Variants in SEL1L3 observed in about 807,000 individuals in gnomAD.
SEL1L3 encodes the protein protein sel-1 homolog 3.
In SEL1L3, 76 loss-of-function variants were observed where a neutral mutation model predicts 142.8. The observed-to-expected ratio is 0.53, with a 90% CI of 0.44 to 0.64. SEL1L3 has a LOEUF of 0.64. Ranked by LOEUF, SEL1L3 falls within the 30% of genes least tolerant of loss-of-function variation. The probability of loss-of-function intolerance (pLI) is 0.00; values close to 1 mark genes in which losing one functional copy is unlikely to be tolerated. For synonymous variants in SEL1L3, 504 were observed against 519.6 expected (o/e 0.97, Z 0.41); for missense variants, 1,262 against 1,381.7 (o/e 0.91, Z 1.37).
chr4:25,789,657 C>A (rs775573468), intron 12 of SEL1L3, among the ~76,000 whole-genome samples: 2 of 150,956 alleles, frequency 1.3e-5, no homozygotes, highest in Non-Finnish European at 2.9e-5. Context: ...TTTTTTCTTT[C>A]CCTTTCCCAT....
intron 6 of SEL1L3, 104 bp downstream of exon 6, chr4:25,829,994 T>C (rs1312274183): frequency 4.0e-6 from 3 of 740,788 alleles, no homozygotes; most frequent in African/African-American, 3.5e-5. Flanking sequence ...TTGGAAAAGC[T>C]GAATGAAGAG....
intron 11 of SEL1L3, among the ~76,000 whole-genome samples, chr4:25,792,233 C>A (rs1244269274): frequency 2.6e-5 from 4 of 152,006 alleles, no homozygotes; most frequent in Non-Finnish European, 4.4e-5. Flanking sequence ...ATCCTCATAA[C>A]AAAGCTTCGA....
chr4:25,788,100 G>T lies in SEL1L3; in HGVS notation c.2217+124C>A. 1.1e-6 allele frequency: 1 copy of T among 875,490 alleles called. No homozygotes were observed. Among genetic ancestry groups the T allele is most frequent in the South Asian group, 1.6e-5 (1 of 62,048 alleles). 54.2% of individuals were successfully genotyped at this position (875,490 alleles called of 1,614,324 possible). ...TAGCCAACATTCTTTTCCATCAAGAGTGACAGAAGCATATACTAAATTTCT... is the reference window on the plus strand; with the variant it reads ...TAGCCAACATTCTTTTCCATCAAGATTGACAGAAGCATATACTAAATTTCT... On this transcript the variant is annotated intron_variant, in intron 13 of 23. Coordinates refer to ENST00000399878, the MANE Select transcript of SEL1L3 (RefSeq NM_015187.5). This position sits in a 1 kb window ranked among gnomAD's most constrained non-coding sequence, Gnocchi z 5.3.
At chr4:25,749,360 T>C (rs141080228) in intron 23 of SEL1L3, among the ~76,000 whole-genome samples, 14 of 151,832 alleles carry the variant, frequency 9.2e-5, no homozygotes, top group African/African-American at 2.9e-4. Context: ...CAGCAATGAG[T>C]TTTCTGATTT....
At chr4:25,855,765 A>G (rs1482590898) in intron 1 of SEL1L3, among the ~76,000 whole-genome samples, 1 of 149,862 alleles carries the variant, frequency 6.7e-6, no homozygotes, top group Non-Finnish European at 1.5e-5. Flanking sequence ...CGTCTCAGGA[A>G]AAAAAAAAAG....
chr4:25,844,118 A>T (rs1716352964), intron 2 of SEL1L3, among the ~76,000 whole-genome samples: 1 of 152,216 alleles, frequency 6.6e-6, no homozygotes, highest in Non-Finnish European at 1.5e-5. Flanking sequence ...CATACATGAC[A>T]GGCCCCCTGT....
chr4:25,789,567 A>G (rs1295688190), intron 12 of SEL1L3, among the ~76,000 whole-genome samples: 1 of 139,754 alleles, frequency 7.2e-6, no homozygotes, highest in African/African-American at 2.7e-5. Flanking sequence ...CCTGCCCAAC[A>G]GAGTGAGACC....
At chr4:25,727,586 C>G in the SEL1L3 span, among the ~76,000 whole-genome samples, 1 of 152,216 alleles carries the variant, frequency 6.6e-6, no homozygotes, top group East Asian at 1.9e-4. Flanking sequence ...GTGGAAAACC[C>G]CCTTGCAGGC....
chr4:25,727,240 G>A, the SEL1L3 span, among the ~76,000 whole-genome samples: 1 of 152,036 alleles, frequency 6.6e-6, no homozygotes, highest in Admixed American at 6.6e-5. Context: ...TTTTAGTAGA[G>A]ATGGAGTTTC....
At chr4:25,786,143 G>C (rs1162577091) in intron 13 of SEL1L3, among the ~76,000 whole-genome samples, 1 of 152,166 alleles carries the variant, frequency 6.6e-6, no homozygotes, top group African/African-American at 2.4e-5. Context: ...TCATGTGGCT[G>C]CAAGATAAGA....
chr4:25,756,436 C>A lies in SEL1L3; in HGVS notation c.3259+1098G>T, dbSNP rs1201092906. The A allele has an allele frequency of 9.1e-6, 9 of 985,096 alleles. No individual in the cohort carries two copies. The African/African-American group carries it at 1.6e-4, about 17-fold the overall frequency. 61.0% of individuals were successfully genotyped at this position (985,096 alleles called of 1,614,324 possible). On this transcript the variant is annotated intron_variant, in intron 23 of 23. Transcript: ENST00000399878. ...TTTATATGCCAGATAAATATAACAG[C>A]TAACGTTTAACTACAGCCGTCATTT...
intron 2 of SEL1L3, 107 bp from the exon 3 acceptor site, chr4:25,835,430 T>A (rs892362433): frequency 1.7e-6 from 2 of 1,199,298 alleles, no homozygotes; most frequent in Non-Finnish European, 2.4e-6. Context: ...AACATTTAAG[T>A]GAGATACCCT....
chr4:25,849,093 C>G (rs1308495910), intron 1 of SEL1L3, among the ~76,000 whole-genome samples: 1 of 152,112 alleles, frequency 6.6e-6, no homozygotes, highest in Admixed American at 6.5e-5. Context: ...GAGCCAAGAT[C>G]ACACCACTGC....
At chr4:25,756,553 G>T in intron 23 of SEL1L3, 1 of 948,640 alleles carries the variant, frequency 1.1e-6, no homozygotes, top group Non-Finnish European at 1.3e-6. Flanking sequence ...TCATTGTATT[G>T]ATGAGAAATT....
In SEL1L3 at chr4:25,788,984, A is replaced by C. The variant is rs540872887; in HGVS notation, c.2077-620T>G. Among the ~76,000 whole-genome samples, 38 of 152,310 alleles carry C rather than the reference A, an allele frequency of 2.5e-4. No homozygotes were observed. The highest frequency in any genetic ancestry group is 4.1e-4 in the Non-Finnish European group (28 of 68,026). On this transcript the variant is annotated intron_variant, in intron 12 of 23. Transcript: ENST00000399878. The surrounding 1 kb of genome is among the most constrained non-coding windows in gnomAD (Gnocchi z 5.3). Reference sequence around the variant, plus strand: ...AAGGAAGAAAGAAGTGCCTATGGTTAGAAAAGTTAATGCAAGCTCTGGCAC... The same window carrying C: ...AAGGAAGAAAGAAGTGCCTATGGTTCGAAAAGTTAATGCAAGCTCTGGCAC...
At chr4:25,760,543 C>A (rs1323534197) in intron 20 of SEL1L3, among the ~76,000 whole-genome samples, 1 of 152,164 alleles carries the variant, frequency 6.6e-6, no homozygotes, top group Non-Finnish European at 1.5e-5. Flanking sequence ...CTCTTTGCAA[C>A]CTCACCGGCA....
chr4:25,743,264 A>G (rs1455265238), downstream of SEL1L3, among the ~76,000 whole-genome samples: 1 of 152,214 alleles, frequency 6.6e-6, no homozygotes, highest in African/African-American at 2.4e-5. Flanking sequence ...CAAAAAAATT[A>G]TATCTGTAGG....
chr4:25,731,514 C>T, the SEL1L3 span, among the ~76,000 whole-genome samples: 1 of 152,290 alleles, frequency 6.6e-6, no homozygotes, highest in Admixed American at 6.5e-5. Flanking sequence ...CCCCACACTT[C>T]GCCCAAGCAA....
At chr4:25,836,693 G>A (rs776157863) in intron 2 of SEL1L3, among the ~76,000 whole-genome samples, 50 of 152,148 alleles carry the variant, frequency 3.3e-4, no homozygotes, top group Middle Eastern at 3.4e-3. Flanking sequence ...ATACTCCTTA[G>A]TTTAGACATT....
Sources: gnomAD v4.1 joint callset for allele counts (sites outside exome capture counted in the v4.1 genomes callset) on GRCh38, gnomAD v4.1.1 for gene constraint, Gnocchi (gnomAD v3.1) non-coding constraint, MANE v1.5 for transcripts, NCBI Gene and HGNC (gene_info 2026-07-23, HGNC 2026-07-21) for gene names.